The following EPHA3 variants were observed in gnomAD, a reference collection of about 807,000 sequenced individuals.
EPHA3 encodes the protein ephrin type-A receptor 3.
In EPHA3, 42 loss-of-function variants were observed where a neutral mutation model predicts 107.1. That is an observed-to-expected ratio of 0.39 (90% CI 0.31 to 0.51). The LOEUF (loss-of-function observed/expected upper bound fraction) is 0.51, where lower values mean the gene tolerates loss of function less well. Ranked by LOEUF, EPHA3 falls within the 20% of genes least tolerant of loss-of-function variation. The probability of loss-of-function intolerance (pLI) is 0.78; values close to 1 mark genes in which losing one functional copy is unlikely to be tolerated. For missense variants in EPHA3, 1,183 were observed against 1,211.2 expected, an observed-to-expected ratio of 0.98 and a Z score of 0.35; for synonymous variants, 461 against 424.8, an observed-to-expected ratio of 1.09 and a Z score of -1.05.
chr3:89,318,090 T>A (rs1268182047), intron 3 of EPHA3, among the ~76,000 whole-genome samples: 1 of 151,848 alleles, frequency 6.6e-6, no homozygotes, highest in Non-Finnish European at 1.5e-5. Context: ...GACATCAGCA[T>A]ACTTCCATGA....
intron 3 of EPHA3, among the ~76,000 whole-genome samples, chr3:89,221,697 T>C (rs1465413006): frequency 6.6e-6 from 1 of 152,186 alleles, no homozygotes; most frequent in Non-Finnish European, 1.5e-5. Flanking sequence ...ATTATCGTTA[T>C]TTTATCAGAA....
At chr3:89,173,644 G>A (rs1417674961) in intron 2 of EPHA3, among the ~76,000 whole-genome samples, 1 of 151,940 alleles carries the variant, frequency 6.6e-6, no homozygotes, top group Non-Finnish European at 1.5e-5. Flanking sequence ...AAAGAGAGAA[G>A]CTGTATTCAA....
chr3:89,368,159 T>C (rs115315163), intron 5 of EPHA3, among the ~76,000 whole-genome samples: 2,334 of 150,580 alleles, frequency 0.016, 63 homozygotes, highest in African/African-American at 0.054. Flanking sequence ...AATACTAAAG[T>C]GTGTGCTGTT....
At chr3:89,353,568 C>T (rs1193365121) in intron 5 of EPHA3, among the ~76,000 whole-genome samples, 1 of 151,252 alleles carries the variant, frequency 6.6e-6, no homozygotes, top group Non-Finnish European at 1.5e-5. Flanking sequence ...TCAGCTTCTT[C>T]CTGTTTTGAA....
intron 13 of EPHA3, among the ~76,000 whole-genome samples, chr3:89,434,889 T>A (rs1032236389): frequency 6.6e-6 from 1 of 152,174 alleles, no homozygotes; most frequent in Non-Finnish European, 1.5e-5. Flanking sequence ...TTCATCTTTG[T>A]ATTTCCTTGG....
chr3:89,472,289 G>A (rs377645663), intron 15 of EPHA3, among the ~76,000 whole-genome samples, 175 bp from the exon 16 acceptor site: 3 of 152,156 alleles, frequency 2.0e-5, no homozygotes, highest in East Asian at 1.9e-4. Flanking sequence ...ATTACACGGC[G>A]TTCCTCCAAG....
intron 3 of EPHA3, among the ~76,000 whole-genome samples, chr3:89,339,146 G>A (rs1707458986): frequency 6.6e-6 from 1 of 152,082 alleles, no homozygotes; most frequent in Non-Finnish European, 1.5e-5. Context: ...GCCGAGGCGG[G>A]CGGATCACAA....
intron 2 of EPHA3, among the ~76,000 whole-genome samples, chr3:89,139,453 T>C (rs551811619): frequency 2.3e-4 from 35 of 151,968 alleles, no homozygotes; most frequent in African/African-American, 7.7e-4. Flanking sequence ...TTAAGTTGAA[T>C]TAGTAACACA....
intron 3 of EPHA3, 90 bp downstream of exon 3, chr3:89,210,610 T>A: frequency 7.2e-7 from 1 of 1,380,296 alleles, no homozygotes. Context: ...CAGTCTCAAC[T>A]CACTTGGCAG....
At chr3:89,440,441 A>G (rs1462716201) in intron 13 of EPHA3, among the ~76,000 whole-genome samples, 2 of 152,158 alleles carry the variant, frequency 1.3e-5, no homozygotes, top group Non-Finnish European at 2.9e-5. Context: ...TTACAGAAAC[A>G]TTTGGCAGCT....
Position 89,358,924 on chromosome 3 carries a change from A to G in EPHA3, c.1306+16834A>G, listed in dbSNP as rs1708025462. Among the ~76,000 whole-genome samples the G allele has an allele frequency of 1.3e-5, 2 of 151,138 alleles. 1 individual carries two copies. The highest frequency in any genetic ancestry group is 3.0e-5 in the Non-Finnish European group (2 of 67,450). On this transcript the variant is annotated intron_variant, in intron 5 of 16. Coordinates refer to ENST00000336596, the MANE Select transcript of EPHA3 (RefSeq NM_005233.6). Reference sequence around the variant, plus strand: ...TCTGGTTTATGAAAGCACATAGAATATGTGAACTTATAACAATGGGACAAG... The same window carrying G: ...TCTGGTTTATGAAAGCACATAGAATGTGTGAACTTATAACAATGGGACAAG...
chr3:89,326,180 G>A (rs1451524416), intron 3 of EPHA3, among the ~76,000 whole-genome samples: 1 of 151,784 alleles, frequency 6.6e-6, no homozygotes, highest in East Asian at 1.9e-4. Context: ...TTGGTTCCAG[G>A]ACCCCTGAGG....
At chr3:89,356,461 G>A (rs1214350431) in intron 5 of EPHA3, among the ~76,000 whole-genome samples, 1 of 151,202 alleles carries the variant, frequency 6.6e-6, no homozygotes, top group Non-Finnish European at 1.5e-5. Flanking sequence ...CAGTGTAAAA[G>A]TGTTCCTATT....
intron 1 of EPHA3, among the ~76,000 whole-genome samples, chr3:89,124,979 T>A (rs562931271): frequency 1.6e-4 from 24 of 152,024 alleles, no homozygotes; most frequent in Admixed American, 1.4e-3. Context: ...TTCTTTTCCA[T>A]TGTTCTTATT....
intron 3 of EPHA3, among the ~76,000 whole-genome samples, chr3:89,213,910 G>A (rs1452110071): frequency 6.6e-6 from 1 of 151,914 alleles, no homozygotes; most frequent in African/African-American, 2.4e-5. Context: ...GCCTTTAGCA[G>A]TTATACATCC....
At chr3:89,390,801 T>TTTTTTTTA (rs1708713000) in intron 5 of EPHA3, among the ~76,000 whole-genome samples, 2 of 150,518 alleles carry the variant, frequency 1.3e-5, no homozygotes, top group Non-Finnish European at 1.5e-5. Flanking sequence ...TTTTTTTTTT[T>TTTTTTTTA]GAGACAGAGT....
chr3:89,219,925 G>T (rs1033360288), intron 3 of EPHA3, among the ~76,000 whole-genome samples: 2 of 148,824 alleles, frequency 1.3e-5, no homozygotes, highest in African/African-American at 4.9e-5. Context: ...AGCCGGGATG[G>T]TCTCGATCTC....
intron 5 of EPHA3, among the ~76,000 whole-genome samples, chr3:89,378,278 G>T (rs140733548): frequency 6.6e-6 from 1 of 152,028 alleles, no homozygotes. Context: ...TTTTTTAAGT[G>T]TATTGGGATA....
intron 13 of EPHA3, among the ~76,000 whole-genome samples, chr3:89,441,832 C>A (rs1452393363): frequency 6.6e-6 from 1 of 152,150 alleles, no homozygotes; most frequent in Non-Finnish European, 1.5e-5. Context: ...AACTACAGAT[C>A]CTCAGCTTAA....
Sources: gnomAD v4.1 joint callset for allele counts (sites outside exome capture counted in the v4.1 genomes callset) on GRCh38, gnomAD v4.1.1 for gene constraint, MANE v1.5 for transcripts, NCBI Gene and HGNC (gene_info 2026-07-23, HGNC 2026-07-21) for gene names.